SLC9A6: variants seen among roughly 807,000 people sequenced by gnomAD.
SLC9A6 encodes solute carrier family 9 member A6.
SLC9A6 carries 6 observed loss-of-function variants against 45.3 expected under a neutral mutation model. The ratio of observed to expected loss-of-function variants is 0.13; its 90% CI spans 0.07 to 0.26. SLC9A6 has a LOEUF of 0.26. Among genes scored for constraint, SLC9A6 ranks in the 10% least tolerant of loss-of-function variants. The probability of loss-of-function intolerance (pLI) is 1.00; values close to 1 mark genes in which losing one functional copy is unlikely to be tolerated. For synonymous variants in SLC9A6, 191 were observed against 187.7 expected (o/e 1.02, Z -0.14); for missense variants, 278 against 503.7 (o/e 0.55, Z 4.29).
At chrX:135,998,019 A>T (rs1016074226) in intron 3 of SLC9A6, 89 bp from the exon 4 acceptor site, 1 of 547,518 alleles carries the variant, frequency 1.8e-6, no homozygotes, top group Non-Finnish European at 3.3e-6. Context: ...GACTAGTTTA[A>T]CATATAGTAT....
At chrX:136,025,384 T>C (rs2071209076) in intron 13 of SLC9A6, among the ~76,000 whole-genome samples, 1 of 112,592 alleles carries the variant, frequency 8.9e-6, no homozygotes, top group Admixed American at 9.4e-5. Context: ...CCAGAATACA[T>C]AGGACTCATT....
chrX:136,002,121 T>C lies in SLC9A6; in HGVS notation c.651T>C (p.Ala217=). Residue 217 remains alanine (A), a synonymous_variant, in exon 7 of 18, where the codon GCT becomes GCC. Transcript: ENST00000630721. ...TTTACTTACTAGTGACTGTTCTTGC[T>C]ATATTCCACGAGCTTCAAGTTGATG... is the stretch of plus-strand genomic sequence containing the variant. ...VSATDPVTVL[A]IFHELQVDVE... 3 of 1,199,947 alleles carry C rather than the reference T, an allele frequency of 2.5e-6. No homozygotes were observed. The highest frequency in any genetic ancestry group is 3.4e-6 in the Non-Finnish European group (3 of 884,781).
chrX:135,985,607 C>T lies in SLC9A6; in HGVS notation c.-52C>T. The T allele has an allele frequency of 1.7e-6, 2 of 1,209,819 alleles. No individual in the cohort carries two copies. The highest frequency in any genetic ancestry group is 2.2e-6 in the Non-Finnish European group (2 of 894,670). On this transcript the variant is annotated 5_prime_UTR_variant, in exon 2 of 18. Transcript: ENST00000630721. ...CCCTTTGGTTGCTCCTCGCAGTGGG[C>T]GTCTTTGACTGGGCAGGGGCTTCGG...
At position 136,045,835 on chromosome X, in the gene SLC9A6, G is replaced by A. The variant is rs1475809753; in HGVS notation, c.*1111G>A. On this transcript the variant is annotated 3_prime_UTR_variant, in exon 18 of 18. Transcript: ENST00000630721. ...ACCAAAGTCAGTCATAAGAGAAATC[G>A]AATATTCTGGAGCACTGATTGCAGC... 8.9e-6 allele frequency: 1 copy of A among 111,885 alleles called. No homozygotes were observed. The highest frequency in any genetic ancestry group is 3.3e-5 in the African/African-American group (1 of 30,703). 9.2% of individuals were successfully genotyped at this position (111,885 alleles called of 1,213,427 possible).
chrX:135,982,608 G>C (rs985986665), upstream of SLC9A6, among the ~76,000 whole-genome samples: 2 of 110,536 alleles, frequency 1.8e-5, no homozygotes, highest in African/African-American at 6.6e-5. Context: ...TCAGTAGCTG[G>C]TGCTACAGGC....
intron 12 of SLC9A6, among the ~76,000 whole-genome samples, chrX:136,023,985 G>C (rs1556620262): frequency 1.8e-5 from 2 of 110,113 alleles, no homozygotes; most frequent in African/African-American, 6.6e-5. Flanking sequence ...TGCCTCCCTG[G>C]TTCAAGCAAT....
intron 16 of SLC9A6, 80 bp downstream of exon 16, chrX:136,033,573 A>T (rs2037484222): frequency 7.0e-6 from 4 of 570,413 alleles, no homozygotes; most frequent in Non-Finnish European, 1.2e-5. Flanking sequence ...TGTTTTGACT[A>T]TTCTCTTCCT....
Position 136,044,607 on chromosome X carries a change from G to A in SLC9A6, c.1923G>A (p.Arg641=), listed in dbSNP as rs1556623229. ...MGNSSEDALD[R]ELAFGDHELV... ...ACAGTTCTGAAGATGCCTTGGATCG[G>A]GAGCTTGCATTTGGGGACCATGAAC... Residue 641 remains arginine, a synonymous_variant, in exon 18 of 18, where the codon CGG becomes CGA. Coordinates refer to ENST00000630721, the MANE Select transcript of SLC9A6 (RefSeq NM_001379110.1). The A allele has an allele frequency of 8.3e-7, 1 of 1,211,253 alleles. No individual in the cohort carries two copies. The highest frequency in any genetic ancestry group is 1.8e-5 in the South Asian group (1 of 56,948).
chrX:136,001,208 G>T (rs112530995), intron 6 of SLC9A6, among the ~76,000 whole-genome samples: 2 of 108,039 alleles, frequency 1.9e-5, no homozygotes, highest in African/African-American at 6.7e-5. Context: ...GTTCTGGCGG[G>T]CGCCTGTAGT....
At chrX:136,011,488 C>T (rs922315757) in intron 8 of SLC9A6, among the ~76,000 whole-genome samples, 2 of 110,634 alleles carry the variant, frequency 1.8e-5, no homozygotes, top group East Asian at 5.8e-4. Flanking sequence ...GTGATCCACC[C>T]ACCTCGGCCT....
At chrX:136,023,168 T>C (rs1440379222) in intron 12 of SLC9A6, among the ~76,000 whole-genome samples, 3 of 1,284 alleles carry the variant, frequency 2.3e-3, no homozygotes, top group Admixed American at 9.3e-3. Flanking sequence ...AAAATGTATA[T>C]ATATATATAT....
intron 2 of SLC9A6, among the ~76,000 whole-genome samples, chrX:135,991,240 C>T (rs2089424693): frequency 1.0e-5 from 1 of 97,056 alleles, no homozygotes; most frequent in African/African-American, 3.7e-5. Flanking sequence ...TGCTCCCTCC[C>T]TGCTTCCTGG....
Position 135,985,836 on chromosome X carries a change from C to T in SLC9A6, c.169+9C>T. On this transcript the variant is annotated intron_variant, in intron 2 of 17. Transcript: ENST00000630721. ...CCTGGCTATGATTTATGGCAAGTTCCTCAACCCTTGTCAGCCCCTTGGCGC... is the reference window on the plus strand; with the variant it reads ...CCTGGCTATGATTTATGGCAAGTTCTTCAACCCTTGTCAGCCCCTTGGCGC... 1.1e-5 allele frequency: 13 copies of T among 1,210,653 alleles called. No individual in the cohort carries two copies. The highest frequency in any genetic ancestry group is 1.5e-5 in the Non-Finnish European group (13 of 895,374).
chrX:136,027,562 G>A (rs1386404179), intron 13 of SLC9A6, among the ~76,000 whole-genome samples: 1 of 111,976 alleles, frequency 8.9e-6, no homozygotes, highest in Non-Finnish European at 1.9e-5. Flanking sequence ...AAATATATCA[G>A]GCTTTGGAGG....
intron 11 of SLC9A6, among the ~76,000 whole-genome samples, chrX:136,017,456 G>A (rs1246800286): frequency 1.8e-5 from 2 of 109,837 alleles, no homozygotes; most frequent in Non-Finnish European, 3.8e-5. Context: ...ACAGTTGGAA[G>A]GAAGAAACTG....
intron 3 of SLC9A6, 87 bp from the exon 4 acceptor site, chrX:135,998,021 A>C: frequency 1.8e-6 from 1 of 552,132 alleles, no homozygotes; most frequent in East Asian, 3.3e-5. Context: ...CTAGTTTAAC[A>C]TATAGTATTT....
upstream of SLC9A6, chrX:135,973,856 A>C (rs2089237555): frequency 2.6e-6 from 3 of 1,160,257 alleles, no homozygotes; most frequent in Non-Finnish European, 3.4e-6. Context: ...TGCCGGGAAG[A>C]AGCAGAAAGC....
At chrX:136,018,035 T>C (rs1220734427) in intron 11 of SLC9A6, among the ~76,000 whole-genome samples, 1 of 112,091 alleles carries the variant, frequency 8.9e-6, no homozygotes, top group Non-Finnish European at 1.9e-5. Context: ...AGCCCTAAAA[T>C]GAAAGCCGAA....
rs782708610 is a variant in SLC9A6 at position 136,044,685 on chromosome X, G to A, written c.2001G>A (p.Pro667=). 19 of 1,208,701 alleles carry A rather than the reference G, an allele frequency of 1.6e-5. No individual in the cohort carries two copies. The highest frequency in any genetic ancestry group is 5.3e-5 in the African/African-American group (3 of 57,066). Residue 667 remains proline, a synonymous_variant, in exon 18 of 18, where the codon CCG becomes CCA. Transcript: ENST00000630721. ...TTCCAATGGATGATTCTGAACCCCC[G>A]CTAAATTTGTTAGATAATACGAGAC... ...LVLPMDDSEP[P]LNLLDNTRHG... is the part of the protein sequence containing the mutation.
Sources: gnomAD v4.1 joint callset for allele counts (sites outside exome capture counted in the v4.1 genomes callset) on GRCh38, gnomAD v4.1.1 for gene constraint, MANE v1.5 for transcripts, NCBI Gene and HGNC (gene_info 2026-07-23, HGNC 2026-07-21) for gene names.